The following PIWIL3 variants were observed in gnomAD, a reference collection of about 807,000 sequenced individuals.
The protein encoded by PIWIL3 is piwi like RNA-mediated gene silencing 3, also known as piwi-like protein 3.
In PIWIL3, 101 loss-of-function variants were observed where a neutral mutation model predicts 109.7. That is an observed-to-expected ratio of 0.92 (90% CI 0.78 to 1.09). The LOEUF (loss-of-function observed/expected upper bound fraction) is 1.09. PIWIL3 is among the 50% of genes least tolerant of loss of function. The pLI is 0.00. For missense variants in PIWIL3, 1,031 were observed against 1,072.6 expected, an observed-to-expected ratio of 0.96 and a Z score of 0.54; for synonymous variants, 373 against 376.4, an observed-to-expected ratio of 0.99 and a Z score of 0.10.
At chr22:24,748,676 TGCC>T (rs1319421892) in intron 12 of PIWIL3, among the ~76,000 whole-genome samples, 1 of 152,228 alleles carries the variant, frequency 6.6e-6, no homozygotes, top group African/African-American at 2.4e-5. Context: ...ATCTTCCAAA[TGCC>T]ATGAGCAATT....
In PIWIL3 at chr22:24,756,962, C is replaced by T. The variant is rs575556733; in HGVS notation, c.356-257G>A. Among the ~76,000 whole-genome samples the T allele has an allele frequency of 6.6e-5, 10 of 151,522 alleles. No homozygotes were observed. In the East Asian group the frequency reaches 1.9e-3, roughly 29 times the overall value. ...GGCACAGTGGCAGGTGCCTATAATCCCAGCTACTCGGAAGGCTGAGACAGG... is the reference window on the plus strand; with the variant it reads ...GGCACAGTGGCAGGTGCCTATAATCTCAGCTACTCGGAAGGCTGAGACAGG... On this transcript the variant is annotated intron_variant, in intron 4 of 20. Transcript: ENST00000616349.
rs1924883661 is a variant in PIWIL3, at chr22:24,754,287, TC to T, written c.774-71del. ...AAGCCAAGGGTTTCCAAGCCTAAGC[TC>T]TGGGTCTAAAAATTGGTACTTAGGA... On this transcript the variant is annotated intron_variant, in intron 7 of 20. Coordinates refer to ENST00000616349, the MANE Select transcript of PIWIL3 (RefSeq NM_001255975.1). The T allele has an allele frequency of 9.5e-6, 13 of 1,362,096 alleles. No individual in the cohort carries two copies. In the South Asian group the frequency reaches 1.7e-4, roughly 18 times the overall value. The allele number at this position is 1,362,096 out of a possible 1,614,324, so 84.4% of individuals were successfully genotyped here.
chr22:24,726,077 T>C (rs924071897), intron 16 of PIWIL3, among the ~76,000 whole-genome samples: 3 of 152,184 alleles, frequency 2.0e-5, no homozygotes, highest in Non-Finnish European at 4.4e-5. Context: ...ATTTAATCCA[T>C]AGAGCATGAC....
At chr22:24,732,419 G>T (rs1012501989) in intron 14 of PIWIL3, among the ~76,000 whole-genome samples, 22 of 152,262 alleles carry the variant, frequency 1.4e-4, no homozygotes, top group African/African-American at 5.3e-4. Flanking sequence ...GATACCTTAA[G>T]AAATTGTTCC....
At chr22:24,725,357 T>A in intron 17 of PIWIL3, 88 bp downstream of exon 17, 2 of 1,505,692 alleles carry the variant, frequency 1.3e-6, no homozygotes, top group Non-Finnish European at 1.8e-6. Flanking sequence ...GGTTCAGTCA[T>A]TACCAAGTGT....
intron 14 of PIWIL3, among the ~76,000 whole-genome samples, chr22:24,731,594 T>C (rs1298150068): frequency 6.7e-6 from 1 of 150,224 alleles, no homozygotes; most frequent in African/African-American, 2.5e-5. Context: ...GAGGTTGCAG[T>C]GAGCTGAGAT....
intron 12 of PIWIL3, among the ~76,000 whole-genome samples, chr22:24,740,126 G>A (rs1250447228): frequency 6.8e-6 from 1 of 146,260 alleles, no homozygotes; most frequent in East Asian, 2.1e-4. Context: ...GGCTGAGGCA[G>A]AGAATTGCTT....
At chr22:24,744,204 A>C (rs1358994484) in intron 12 of PIWIL3, among the ~76,000 whole-genome samples, 2 of 149,322 alleles carry the variant, frequency 1.3e-5, no homozygotes, top group Non-Finnish European at 3.0e-5. Flanking sequence ...AAAAAAAAAA[A>C]AAACAATGAT....
In PIWIL3 at chr22:24,751,441, G is replaced by A. The variant is rs1328999336; in HGVS notation, c.1035C>T (p.Asp345=). 1 of 1,613,912 alleles carries A rather than the reference G, an allele frequency of 6.2e-7. No homozygotes were observed. Residue 345 remains aspartate (D), a synonymous_variant, in exon 9 of 21, where the codon GAC becomes GAT. Coordinates refer to ENST00000616349, the MANE Select transcript of PIWIL3 (RefSeq NM_001255975.1). ...TGCTGCCATCTGATTTGTTAAATGT[G>A]TCTTCAGGATTCTGCTTCCAATCAA... ...DDIDWKQNPE[D]TFNKSDGSKI... is the part of the protein sequence containing the mutation.
chr22:24,734,235 A>T, intron 13 of PIWIL3, 79 bp from the exon 14 acceptor site: 1 of 1,545,928 alleles, frequency 6.5e-7, no homozygotes, highest in Non-Finnish European at 8.7e-7. Flanking sequence ...ATTAAATACA[A>T]AGTAAGACAT....
intron 4 of PIWIL3, among the ~76,000 whole-genome samples, chr22:24,757,615 T>TACACACACACACACACACACACAC (rs139481317): frequency 1.9e-4 from 15 of 79,474 alleles, no homozygotes; most frequent in African/African-American, 5.2e-4. Context: ...AAAATTTACA[T>TACACACACACACACACACACACAC]ACACACACAC....
chr22:24,722,074 C>A (rs57017284), intron 19 of PIWIL3, among the ~76,000 whole-genome samples: 7 of 152,200 alleles, frequency 4.6e-5, no homozygotes, highest in African/African-American at 1.7e-4. Context: ...TTTTTTCACA[C>A]TGCTGTTTTA....
rs1033868213 is a variant in PIWIL3 at position 24,728,753 on chromosome 22, C to T, written c.1708-379G>A. On this transcript the variant is annotated intron_variant, in intron 14 of 20. Transcript: ENST00000616349. ...TTACAATTATAAATTACATCAATTG[C>T]TTAAGCCTGCAATATCATTTCCATC... 2.2e-4 allele frequency among the ~76,000 whole-genome samples: 33 copies of T among 152,070 alleles called. 1 individual carries two copies. Among genetic ancestry groups the T allele is most frequent in the African/African-American group, 8.0e-4 (33 of 41,408 alleles).
chr22:24,726,156 C>T (rs1247621139), intron 16 of PIWIL3, among the ~76,000 whole-genome samples: 1 of 152,166 alleles, frequency 6.6e-6, no homozygotes. Flanking sequence ...TCAGAAAAAT[C>T]TGTTGACAGC....
Position 24,759,870 on chromosome 22 carries a change from T to C in PIWIL3, c.222A>G (p.Gln74=), listed in dbSNP as rs750963933. Reference sequence around the variant, plus strand: ...CATGTCCTTCTTGCTTCCTTTCACCTTGAGACTGTGCTCCTCCTCCTGCTC... The same window carrying C: ...CATGTCCTTCTTGCTTCCTTTCACCCTGAGACTGTGCTCCTCCTCCTGCTC... ...RGGAGGGAQS[Q]GVKEPGPEAG... is the part of the protein sequence containing the mutation. Residue 74 remains glutamine, a splice_region_variant and synonymous_variant, in exon 3 of 21, where the codon CAA becomes CAG. Coordinates refer to ENST00000616349, the MANE Select transcript of PIWIL3 (RefSeq NM_001255975.1). 3.1e-6 allele frequency: 5 copies of C among 1,614,052 alleles called. No individual in the cohort carries two copies. Among genetic ancestry groups the C allele is most frequent in the Non-Finnish European group, 3.4e-6 (4 of 1,179,946 alleles).
intron 4 of PIWIL3, among the ~76,000 whole-genome samples, chr22:24,757,501 A>G (rs1032963457): frequency 2.0e-5 from 3 of 152,028 alleles, no homozygotes; most frequent in Non-Finnish European, 4.4e-5. Flanking sequence ...AAAGTTTAAA[A>G]TGGGCCAGGT....
rs71189275 is a variant in PIWIL3, at chr22:24,757,079, CAAAAAAAAAAA to C, written c.356-385_356-375del. Among the ~76,000 whole-genome samples, 495 of 91,740 alleles carry C rather than the reference CAAAAAAAAAAA, an allele frequency of 5.4e-3. 7 individuals are homozygous for C. Among genetic ancestry groups the C allele is most frequent in the African/African-American group, 0.021 (469 of 22,198 alleles). 60.2% of individuals were successfully genotyped at this position (91,740 alleles called of 152,430 possible). ...GGACAACAAGAGCTAAACTCCGTCTCAAAAAAAAAAAAAAAAAAAAAAAGAAAAGAAAAGAA... is the reference window on the plus strand; with the variant it reads ...GGACAACAAGAGCTAAACTCCGTCTCAAAAAAAAAAAAGAAAAGAAAAGAA... On this transcript the variant is annotated intron_variant, in intron 4 of 20. Transcript: ENST00000616349.
chr22:24,723,042 G>A, intron 19 of PIWIL3, 88 bp downstream of exon 19: 6 of 1,426,014 alleles, frequency 4.2e-6, no homozygotes, highest in Non-Finnish European at 5.8e-6. Context: ...GTGCTTTAAG[G>A]TAAAGTTATT....
chr22:24,723,058 T>C (rs1460620662), intron 19 of PIWIL3, 72 bp downstream of exon 19: 47 of 1,496,986 alleles, frequency 3.1e-5, no homozygotes, highest in Non-Finnish European at 4.0e-5. Flanking sequence ...TTATTGGAAT[T>C]AAGTGATTGT....
Sources: gnomAD v4.1 joint callset for allele counts (sites outside exome capture counted in the v4.1 genomes callset) on GRCh38, gnomAD v4.1.1 for gene constraint, MANE v1.5 for transcripts, NCBI Gene and HGNC (gene_info 2026-07-23, HGNC 2026-07-21) for gene names.